SLC25A44: variants seen among roughly 807,000 people sequenced by gnomAD.
SLC25A44 encodes solute carrier family 25 member 44, also known as solute carrier family 25, member 44.
Under a neutral mutation model 29.9 loss-of-function variants are expected in SLC25A44, and 17 were observed. The ratio of observed to expected loss-of-function variants is 0.57; its 90% CI spans 0.39 to 0.85. The LOEUF (loss-of-function observed/expected upper bound fraction) is 0.85. Ranked by LOEUF, SLC25A44 falls within the 40% of genes least tolerant of loss-of-function variation. SLC25A44 has a pLI of 0.00. For missense variants in SLC25A44, 302 were observed against 398.4 expected (o/e 0.76, Z 2.06); for synonymous variants, 140 against 151.8 (o/e 0.92, Z 0.57).
intron 2 of SLC25A44, among the ~76,000 whole-genome samples, chr1:156,202,895 G>A (rs554468347): frequency 2.0e-5 from 3 of 152,158 alleles, no homozygotes; most frequent in African/African-American, 7.2e-5. Flanking sequence ...GATCATGTCC[G>A]TTTCTGTTCA....
At position 156,210,550 on chromosome 1, in the gene SLC25A44, G is replaced by A; in HGVS notation, c.*119G>A. 1 of 661,368 alleles carries A rather than the reference G, an allele frequency of 1.5e-6. No individual in the cohort carries two copies. The highest frequency in any genetic ancestry group is 2.4e-6 in the Non-Finnish European group (1 of 411,806). The allele number at this position is 661,368 out of a possible 1,614,324, so 41.0% of individuals were successfully genotyped here. On this transcript the variant is annotated 3_prime_UTR_variant, in exon 4 of 4. Coordinates refer to ENST00000359511, the MANE Select transcript of SLC25A44 (RefSeq NM_014655.4). ...CACACCCAGCCCTGCCCTGGGCCAA[G>A]TGGCCTATCTGGGATAGGGATAGAG...
chr1:156,195,766 G>GTA (rs571097827), intron 1 of SLC25A44, among the ~76,000 whole-genome samples: 336 of 152,314 alleles, frequency 2.2e-3, no homozygotes, highest in Non-Finnish European at 4.1e-3. Context: ...TCTTTCCGTT[G>GTA]TATGACCTTG....
intron 3 of SLC25A44, among the ~76,000 whole-genome samples, chr1:156,208,472 AAAAT>A (rs1008158450): frequency 3.3e-5 from 5 of 152,154 alleles, no homozygotes; most frequent in African/African-American, 7.2e-5. Context: ...GTCTCAAAAA[AAAAT>A]AAATAAATAA....
chr1:156,204,329 CT>C (rs772353851), intron 2 of SLC25A44, among the ~76,000 whole-genome samples: 2 of 152,114 alleles, frequency 1.3e-5, no homozygotes, highest in Non-Finnish European at 2.9e-5. Flanking sequence ...ATTTCTACCA[CT>C]TTCTTGCTTG....
intron 2 of SLC25A44, among the ~76,000 whole-genome samples, chr1:156,204,165 G>A (rs766669446): frequency 1.3e-5 from 2 of 150,424 alleles, no homozygotes; most frequent in East Asian, 2.0e-4. Flanking sequence ...GAGCCACCAC[G>A]CCCAGCTAAT....
At chr1:156,199,677 G>A in intron 1 of SLC25A44, 158 bp from the exon 2 acceptor site, 1 of 620,072 alleles carries the variant, frequency 1.6e-6, no homozygotes, top group Non-Finnish European at 2.8e-6. Flanking sequence ...AGACTCAAGT[G>A]GGGATTGACA....
chr1:156,195,407 G>T (rs1220283115), intron 1 of SLC25A44, among the ~76,000 whole-genome samples: 1 of 152,152 alleles, frequency 6.6e-6, no homozygotes, highest in East Asian at 1.9e-4. Flanking sequence ...GTTCTCGGAA[G>T]GTCAGCCCAT....
At position 156,198,868 on chromosome 1, in the gene SLC25A44, T is replaced by G. The variant is rs1032872219; in HGVS notation, c.-13-967T>G. 6.6e-6 allele frequency: 1 copy of G among 152,336 alleles called. No homozygotes were observed. The highest frequency in any genetic ancestry group is 1.5e-5 in the Non-Finnish European group (1 of 68,096). The allele number at this position is 152,336 out of a possible 1,614,324, so 9.4% of individuals were successfully genotyped here. A position where few individuals can be genotyped will look rare whatever the true frequency, so the allele number is the denominator to read the frequency against. On this transcript the variant is annotated intron_variant, in intron 1 of 3. Coordinates refer to ENST00000359511, the MANE Select transcript of SLC25A44 (RefSeq NM_014655.4). The surrounding 1 kb of genome is among the most constrained non-coding windows in gnomAD (Gnocchi z 4.1). ...CTTCTCCCCCTTCATTATCTAAGACTGAGGTTGTGGTTTATATGCTTAGAG... is the reference window on the plus strand; with the variant it reads ...CTTCTCCCCCTTCATTATCTAAGACGGAGGTTGTGGTTTATATGCTTAGAG...
intron 2 of SLC25A44, among the ~76,000 whole-genome samples, chr1:156,207,369 C>G (rs565548566): frequency 1.3e-5 from 2 of 152,158 alleles, no homozygotes; most frequent in Admixed American, 6.5e-5. Flanking sequence ...TTAGTAGAGA[C>G]GGGGTTTCAC....
At chr1:156,194,478 C>G (rs1258354598) in intron 1 of SLC25A44, among the ~76,000 whole-genome samples, 22 of 152,086 alleles carry the variant, frequency 1.4e-4, no homozygotes, top group Non-Finnish European at 1.5e-5. Flanking sequence ...GTGCGGGGGC[C>G]AGGACAGAGG....
rs776809718 is a variant in SLC25A44, at chr1:156,200,364, A to G, written c.517A>G (p.Ile173Val). 14 of 1,614,110 alleles carry G rather than the reference A, an allele frequency of 8.7e-6. 1 individual carries two copies. In the South Asian group the frequency reaches 1.5e-4, roughly 18 times the overall value. The change falls in exon 2 of 4, where the codon ATC becomes GTC. Residue 173 changes from isoleucine (I) to valine (V), a missense_variant. By Grantham distance (29) the Ile-to-Val change is conservative (BLOSUM62 3). Transcript: ENST00000359511. Reference protein sequence around the residue: ...FGQTKDIIRQILQADGLRGFY... With the variant: ...FGQTKDIIRQVLQADGLRGFY... ...CCAAACCAAGGACATCATCAGGCAGATCCTGCAGGCTGATGGACTTCGCGG... is the reference window on the plus strand; with the variant it reads ...CCAAACCAAGGACATCATCAGGCAGGTCCTGCAGGCTGATGGACTTCGCGG...
At position 156,211,875 on chromosome 1, in the gene SLC25A44, A is replaced by G. The variant is rs1368354327; in HGVS notation, c.*1444A>G. The G allele has an allele frequency of 6.5e-6, 1 of 152,810 alleles. No individual in the cohort carries two copies. Among genetic ancestry groups the G allele is most frequent in the Non-Finnish European group, 1.5e-5 (1 of 68,056 alleles). The allele number at this position is 152,810 out of a possible 1,614,324, so 9.5% of individuals were successfully genotyped here. ...CCCTATTGGTCCCACCCCCTGGGAA[A>G]GGCCATGGTGCCAGTTTGAAAGGTG... On this transcript the variant is annotated 3_prime_UTR_variant, in exon 4 of 4. Coordinates refer to ENST00000359511, the MANE Select transcript of SLC25A44 (RefSeq NM_014655.4).
intron 2 of SLC25A44, among the ~76,000 whole-genome samples, chr1:156,206,625 A>G (rs967374472): frequency 6.6e-6 from 1 of 151,844 alleles, no homozygotes; most frequent in African/African-American, 2.4e-5. Context: ...CTCTACTTCC[A>G]GGACTCAGGT....
rs776557210 is a variant in SLC25A44 at position 156,200,253 on chromosome 1, C to T, written c.406C>T (p.His136Tyr). Residue 136 changes from histidine to tyrosine, a missense_variant, in exon 2 of 4, where the codon CAC (histidine) becomes TAC (tyrosine). Transcript: ENST00000359511. The stretch of plus-strand genomic sequence containing the variant: ...AGTGCCCATTGATGTAGTCTCCCAG[C>T]ACCTGATGATGCAACGCAAGGGTGA... ...ITVPIDVVSQHLMMQRKGEKM... is the reference protein window; with the variant it reads ...ITVPIDVVSQYLMMQRKGEKM... 6.2e-7 allele frequency: 1 copy of T among 1,614,172 alleles called. No homozygotes were observed. The highest frequency in any genetic ancestry group is 2.2e-5 in the East Asian group (1 of 44,888).
rs767144255 is a variant in SLC25A44, at chr1:156,206,518, G to A, written c.626-1368G>A. On this transcript the variant is annotated intron_variant, in intron 2 of 3. Coordinates refer to ENST00000359511, the MANE Select transcript of SLC25A44 (RefSeq NM_014655.4). ...CTCCCAAAGTGCTGGGATTACAGGCGTGAGCCACCACATCCAGCTTTAATT... is the reference window on the plus strand; with the variant it reads ...CTCCCAAAGTGCTGGGATTACAGGCATGAGCCACCACATCCAGCTTTAATT... Among the ~76,000 whole-genome samples, 6 of 147,638 alleles carry A rather than the reference G, an allele frequency of 4.1e-5. No homozygotes were observed. In the South Asian group the frequency reaches 6.5e-4, roughly 16 times the overall value.
At chr1:156,196,084 G>A (rs976552193) in intron 1 of SLC25A44, 4 of 152,270 alleles carry the variant, frequency 2.6e-5, no homozygotes, top group Non-Finnish European at 5.9e-5. Context: ...CGGAATTGGA[G>A]CCATGCACAT....
At chr1:156,210,102 G>T in intron 3 of SLC25A44, 138 bp from the exon 4 acceptor site, 1 of 605,012 alleles carries the variant, frequency 1.7e-6, no homozygotes, top group Non-Finnish European at 2.9e-6. Flanking sequence ...TCACTGTGCT[G>T]TACCATCCCT....
chr1:156,209,044 T>C (rs772501414), intron 3 of SLC25A44, among the ~76,000 whole-genome samples: 2 of 152,180 alleles, frequency 1.3e-5, no homozygotes, highest in African/African-American at 2.4e-5. Context: ...AGGTTGGAGA[T>C]AAAATCAGCT....
At chr1:156,208,077 C>A in intron 3 of SLC25A44, 64 bp downstream of exon 3, 2 of 1,480,418 alleles carry the variant, frequency 1.4e-6, no homozygotes, top group Non-Finnish European at 1.9e-6. Flanking sequence ...ACCTTCAAGC[C>A]CTCCAGTGTT....
Sources: gnomAD v4.1 joint callset for allele counts (sites outside exome capture counted in the v4.1 genomes callset) on GRCh38, gnomAD v4.1.1 for gene constraint, Gnocchi (gnomAD v3.1) non-coding constraint, MANE v1.5 for transcripts, NCBI Gene and HGNC (gene_info 2026-07-23, HGNC 2026-07-21) for gene names.